The following RNF168 variants were observed in gnomAD, a reference collection of about 807,000 sequenced individuals.
RNF168 encodes E3 ubiquitin-protein ligase RNF168.
RNF168 carries 34 observed loss-of-function variants against 34.9 expected under a neutral mutation model. That is an observed-to-expected ratio of 0.97 (90% CI 0.74 to 1.30). The LOEUF is 1.30. Among genes scored for constraint, RNF168 ranks in the 50% most tolerant of loss-of-function variants. The probability of loss-of-function intolerance (pLI) is 0.00; values close to 1 mark genes in which losing one functional copy is unlikely to be tolerated. For synonymous variants in RNF168, 264 were observed against 254.7 expected, an observed-to-expected ratio of 1.04 and a Z score of -0.35; for missense variants, 725 against 682.5, an observed-to-expected ratio of 1.06 and a Z score of -0.69.
intron 4 of RNF168, among the ~76,000 whole-genome samples, chr3:196,481,255 C>A (rs1012149559): frequency 1.3e-5 from 2 of 152,044 alleles, no homozygotes; most frequent in Non-Finnish European, 2.9e-5. Flanking sequence ...GAGTAGCAGG[C>A]CACCCTTGCG....
At chr3:196,481,342 C>T (rs911422106) in intron 4 of RNF168, among the ~76,000 whole-genome samples, 1 of 151,688 alleles carries the variant, frequency 6.6e-6, no homozygotes, top group African/African-American at 2.4e-5. Context: ...GAGGCCCAGG[C>T]GGGAGGATCA....
chr3:196,490,188 G>C (rs1732559167), intron 1 of RNF168, among the ~76,000 whole-genome samples: 1 of 152,084 alleles, frequency 6.6e-6, no homozygotes, highest in Non-Finnish European at 1.5e-5. Flanking sequence ...GCTATACAAA[G>C]AGAAAAAATC....
At chr3:196,502,023 G>A (rs1005317805) in intron 1 of RNF168, among the ~76,000 whole-genome samples, 3 of 113,292 alleles carry the variant, frequency 2.6e-5, no homozygotes, top group Admixed American at 2.4e-4. Context: ...TAAAAGGCAG[G>A]TACACATATA....
intron 4 of RNF168, among the ~76,000 whole-genome samples, chr3:196,480,000 C>G (rs1031847892): frequency 6.6e-6 from 1 of 152,150 alleles, no homozygotes; most frequent in Non-Finnish European, 1.5e-5. Context: ...CACAGTACAG[C>G]ACGGTCACGG....
rs1732963992 is a variant in RNF168 at position 196,503,647 on chromosome 3, G to T, written c.-474C>A. On this transcript the variant is annotated 5_prime_UTR_variant, in exon 1 of 6. Coordinates refer to ENST00000318037, the MANE Select transcript of RNF168 (RefSeq NM_152617.4). ...GCTTTACCGCTGCTGCGGGGGAGACGCGCGACTCCCGTGTTCACCTTTCGG... is the reference window on the plus strand; with the variant it reads ...GCTTTACCGCTGCTGCGGGGGAGACTCGCGACTCCCGTGTTCACCTTTCGG... 1 of 215,200 alleles carries T rather than the reference G, an allele frequency of 4.6e-6. No individual in the cohort carries two copies. The highest frequency in any genetic ancestry group is 5.8e-5 in the South Asian group (1 of 17,340). The allele number at this position is 215,200 out of a possible 1,614,324, so 13.3% of individuals were successfully genotyped here. A position where few individuals can be genotyped will look rare whatever the true frequency, so the allele number is the denominator to read the frequency against.
In RNF168 at chr3:196,472,238, C is replaced by T; in HGVS notation, c.1297G>A (p.Glu433Lys). The change falls in exon 6 of 6, where the codon GAG becomes AAG. Residue 433 changes from glutamate to lysine, a missense_variant. Transcript: ENST00000318037. Reference protein sequence around the residue: ...INFTQKLIDLEHLLFERHKQE... With the variant: ...INFTQKLIDLKHLLFERHKQE... ...TTATGTCTCTCAAACAGTAGATGCTCCAAATCTATCAGTTTTTGGGTAAAG... is the reference window on the plus strand; with the variant it reads ...TTATGTCTCTCAAACAGTAGATGCTTCAAATCTATCAGTTTTTGGGTAAAG... The T allele has an allele frequency of 6.2e-7, 1 of 1,614,040 alleles. No homozygotes were observed. Among genetic ancestry groups the T allele is most frequent in the Non-Finnish European group, 8.5e-7 (1 of 1,179,940 alleles).
At chr3:196,476,403 T>A (rs1264659712) in intron 4 of RNF168, among the ~76,000 whole-genome samples, 2 of 151,592 alleles carry the variant, frequency 1.3e-5, no homozygotes, top group Non-Finnish European at 2.9e-5. Context: ...TACATACTTT[T>A]ATATCAACTC....
At position 196,472,785 on chromosome 3, in the gene RNF168, G is replaced by A. The variant is rs768330753; in HGVS notation, c.763-13C>T. 6.6e-7 allele frequency: 1 copy of A among 1,512,442 alleles called. No homozygotes were observed. Among genetic ancestry groups the A allele is most frequent in the Non-Finnish European group, 9.2e-7 (1 of 1,088,808 alleles). The allele number at this position is 1,512,442 out of a possible 1,614,324, so 93.7% of individuals were successfully genotyped here. On this transcript the variant is annotated splice_polypyrimidine_tract_variant and intron_variant, in intron 5 of 5. Coordinates refer to ENST00000318037, the MANE Select transcript of RNF168 (RefSeq NM_152617.4). ...TACTGTCAATGTCCTGTAGAAAACA[G>A]AAAAAGACTGAGTGAACCAGGGGAA... is the stretch of plus-strand genomic sequence containing the variant.
intron 1 of RNF168, among the ~76,000 whole-genome samples, chr3:196,499,368 G>A (rs1245089579): frequency 6.6e-6 from 1 of 152,136 alleles, no homozygotes; most frequent in Non-Finnish European, 1.5e-5. Context: ...ACATGTCCCT[G>A]CTCCCTGCTA....
Position 196,487,518 on chromosome 3 carries a change from G to A in RNF168, c.439C>T (p.Gln147Ter). ...TCTTCCTCCTCTGCCAACAACCTCT[G>A]TATGTATTCTTCACTGGCTTTGTTT... is the stretch of plus-strand genomic sequence containing the variant. ...EENKASEEYI[Q>*]RLLAEEEEEE... The change falls in exon 3 of 6, where the codon CAG becomes TAG. Residue 147 changes from glutamine (Q) to a stop codon, truncating the protein, a stop_gained. Coordinates refer to ENST00000318037, the MANE Select transcript of RNF168 (RefSeq NM_152617.4). LOFTEE classifies it high-confidence loss of function. 1.2e-6 allele frequency: 2 copies of A among 1,614,012 alleles called. No individual in the cohort carries two copies. Among genetic ancestry groups the A allele is most frequent in the South Asian group, 1.1e-5 (1 of 91,086 alleles).
At chr3:196,493,132 A>G (rs1408215290) in intron 1 of RNF168, among the ~76,000 whole-genome samples, 2 of 152,224 alleles carry the variant, frequency 1.3e-5, no homozygotes, top group East Asian at 3.8e-4. Flanking sequence ...TAGTGTCCAG[A>G]ATATAACTAG....
At position 196,491,173 on chromosome 3, in the gene RNF168, C is replaced by T. The variant is rs141492438; in HGVS notation, c.302-2490G>A. Among the ~76,000 whole-genome samples, 1,394 of 151,964 alleles carry T rather than the reference C, an allele frequency of 9.2e-3. 22 individuals are homozygous for T. Among genetic ancestry groups the T allele is most frequent in the African/African-American group, 0.032 (1,305 of 41,406 alleles). ...ACTAAGAATACAAAAATTAGCCAGGCGTGGTGGCACGCACCTGTAGTCTCA... is the reference window on the plus strand; with the variant it reads ...ACTAAGAATACAAAAATTAGCCAGGTGTGGTGGCACGCACCTGTAGTCTCA... On this transcript the variant is annotated intron_variant, in intron 1 of 5. Coordinates refer to ENST00000318037, the MANE Select transcript of RNF168 (RefSeq NM_152617.4).
intron 1 of RNF168, among the ~76,000 whole-genome samples, chr3:196,492,982 GA>G (rs148913211): frequency 0.1 from 15,415 of 151,040 alleles, 2,519 homozygotes; most frequent in African/African-American, 0.34. Context: ...TTAAAAAATG[GA>G]AAAAAACAAA....
intron 4 of RNF168, among the ~76,000 whole-genome samples, chr3:196,481,206 C>T (rs1344083308): frequency 1.3e-5 from 2 of 152,128 alleles, no homozygotes; most frequent in East Asian, 3.9e-4. Context: ...TGTTACTGTG[C>T]AGACTAAACT....
intron 1 of RNF168, among the ~76,000 whole-genome samples, chr3:196,490,580 C>T (rs968101901): frequency 2.0e-5 from 3 of 151,402 alleles, no homozygotes; most frequent in African/African-American, 7.3e-5. Flanking sequence ...ATTACCCTTG[C>T]ACCCCATAAA....
rs1422097911 is a variant in RNF168 at position 196,503,720 on chromosome 3, C to T, written c.-547G>A. On this transcript the variant is annotated 5_prime_UTR_variant, in exon 1 of 6. Transcript: ENST00000318037. The stretch of plus-strand genomic sequence containing the variant: ...GCTCCGCGCCCCCGTCCCTCCTACG[C>T]AGCCAGAAACCCTATTCGTTGCGGC... The T allele has an allele frequency of 5.7e-6, 1 of 174,764 alleles. No homozygotes were observed. The highest frequency in any genetic ancestry group is 2.4e-5 in the African/African-American group (1 of 41,642). 10.8% of individuals were successfully genotyped at this position (174,764 alleles called of 1,614,324 possible).
At chr3:196,480,187 G>T (rs560682314) in intron 4 of RNF168, among the ~76,000 whole-genome samples, 32 of 152,104 alleles carry the variant, frequency 2.1e-4, no homozygotes, top group South Asian at 2.1e-3. Flanking sequence ...TTATGGTGCC[G>T]AAGACTGGTG....
intron 4 of RNF168, among the ~76,000 whole-genome samples, chr3:196,477,523 A>G (rs1283697928): frequency 1.3e-5 from 2 of 152,232 alleles, no homozygotes; most frequent in African/African-American, 4.8e-5. Context: ...ACTTTGAAGA[A>G]CAAGAACCAA....
intron 1 of RNF168, among the ~76,000 whole-genome samples, chr3:196,499,155 A>T (rs1391216564): frequency 3.3e-5 from 5 of 152,084 alleles, no homozygotes; most frequent in Admixed American, 2.0e-4. Flanking sequence ...TTAATCCAAT[A>T]TAACTAGTGT....
Sources: gnomAD v4.1 joint callset for allele counts (sites outside exome capture counted in the v4.1 genomes callset) on GRCh38, gnomAD v4.1.1 for gene constraint, MANE v1.5 for transcripts, NCBI Gene and HGNC (gene_info 2026-07-23, HGNC 2026-07-21) for gene names.